The following CCDC150 variants were observed in gnomAD, a reference collection of about 807,000 sequenced individuals.
CCDC150 encodes the protein coiled-coil domain-containing protein 150.
CCDC150 carries 151 observed loss-of-function variants against 156.5 expected under a neutral mutation model. The ratio of observed to expected loss-of-function variants is 0.97; its 90% CI spans 0.85 to 1.10. The LOEUF (loss-of-function observed/expected upper bound fraction) is 1.10, where lower values mean the gene tolerates loss of function less well. Ranked by LOEUF, CCDC150 falls within the 50% of genes least tolerant of loss-of-function variation. CCDC150 has a pLI of 0.00. For missense variants in CCDC150, 1,312 were observed against 1,268.1 expected, an observed-to-expected ratio of 1.03 and a Z score of -0.53; for synonymous variants, 452 against 429.4, an observed-to-expected ratio of 1.05 and a Z score of -0.65.
At chr2:196,685,769 G>A (rs1575833526) in intron 13 of CCDC150, among the ~76,000 whole-genome samples, 1 of 151,734 alleles carries the variant, frequency 6.6e-6, no homozygotes. Flanking sequence ...CTACCACCAC[G>A]CCTGGCTAAT....
intron 12 of CCDC150, 111 bp from the exon 13 acceptor site, chr2:196,677,182 A>G (rs1450509504): frequency 6.6e-6 from 5 of 758,488 alleles, no homozygotes; most frequent in Non-Finnish European, 1.2e-5. Context: ...AGGATGTGCT[A>G]TCTCTGCAGT....
At chr2:196,712,074 A>G (rs937353724) in intron 15 of CCDC150, 71 bp from the exon 16 acceptor site, 88 of 563,464 alleles carry the variant, frequency 1.6e-4, no homozygotes, top group Admixed American at 8.3e-4. Context: ...GAGTATATAA[A>G]TATGTGTAAA....
At chr2:196,707,068 A>G (rs1696703443) in intron 15 of CCDC150, among the ~76,000 whole-genome samples, 1 of 152,128 alleles carries the variant, frequency 6.6e-6, no homozygotes, top group South Asian at 2.1e-4. Flanking sequence ...ATTGATTGGG[A>G]TAGTTTCAGA....
intron 1 of CCDC150, among the ~76,000 whole-genome samples, chr2:196,645,010 G>A (rs1692451586): frequency 6.6e-6 from 1 of 151,838 alleles, no homozygotes; most frequent in African/African-American, 2.4e-5. Context: ...TGTAATCTCA[G>A]CTACCCGAGA....
intron 2 of CCDC150, among the ~76,000 whole-genome samples, chr2:196,646,793 TA>T (rs1166059921): frequency 6.8e-6 from 1 of 146,112 alleles, no homozygotes; most frequent in Non-Finnish European, 1.5e-5. Context: ...TTTCATGTAA[TA>T]AAAAAAGATT....
At chr2:196,662,481 C>G (rs1013927347) in intron 5 of CCDC150, among the ~76,000 whole-genome samples, 1 of 152,120 alleles carries the variant, frequency 6.6e-6, no homozygotes, top group Non-Finnish European at 1.5e-5. Flanking sequence ...CAACCTAGAT[C>G]CCTTGCATGC....
chr2:196,666,734 CA>C lies in CCDC150; in HGVS notation c.782del (p.Asn261ThrfsTer37). The C allele has an allele frequency of 1.3e-6, 2 of 1,598,206 alleles. No homozygotes were observed. The highest frequency in any genetic ancestry group is 1.7e-6 in the Non-Finnish European group (2 of 1,174,846). On this transcript the variant is annotated frameshift_variant, in exon 7 of 28. Coordinates refer to ENST00000389175, the MANE Select transcript of CCDC150 (RefSeq NM_001080539.2). LOFTEE classifies it high-confidence loss of function. Reference protein sequence around the residue: ...VERKQVHILQQNCIALRDSIQ... With the variant: ...VERKQVHILQXNCIALRDSIQ... ...ACAATTTCAGGTGCACATTTTGCAG[CA>C]AAACTGCATTGCTCTACGTGATTCT...
intron 15 of CCDC150, among the ~76,000 whole-genome samples, chr2:196,707,599 G>T (rs1696753503): frequency 6.6e-6 from 1 of 152,148 alleles, no homozygotes; most frequent in Non-Finnish European, 1.5e-5. Context: ...TAATTGTGAT[G>T]TTAGGGTGTT....
In CCDC150 at chr2:196,710,046, C is replaced by T. The variant is rs1005216633; in HGVS notation, c.1696-2099C>T. Among the ~76,000 whole-genome samples, 5 of 152,254 alleles carry T rather than the reference C, an allele frequency of 3.3e-5. No individual in the cohort carries two copies. The East Asian group carries it at 9.6e-4, about 29-fold the overall frequency. Reference sequence around the variant, plus strand: ...GCGAGAACCACTGCTCTCTTCAGAGCTGTCAGACAGGGACGTTTAAGTCTG... The same window carrying T: ...GCGAGAACCACTGCTCTCTTCAGAGTTGTCAGACAGGGACGTTTAAGTCTG... On this transcript the variant is annotated intron_variant, in intron 15 of 27. Transcript: ENST00000389175.
chr2:196,716,444 G>A (rs1009512954), intron 17 of CCDC150, among the ~76,000 whole-genome samples: 37 of 152,216 alleles, frequency 2.4e-4, no homozygotes, highest in African/African-American at 8.4e-4. Context: ...GATACATGCA[G>A]CAGATTGAAT....
chr2:196,722,527 T>C (rs1697984636), intron 21 of CCDC150, among the ~76,000 whole-genome samples: 1 of 152,068 alleles, frequency 6.6e-6, no homozygotes, highest in African/African-American at 2.4e-5. Flanking sequence ...TCCACCTGCC[T>C]GGCCTCCCAA....
At chr2:196,653,344 TA>T (rs1488674983) in intron 2 of CCDC150, among the ~76,000 whole-genome samples, 2 of 152,244 alleles carry the variant, frequency 1.3e-5, no homozygotes, top group Admixed American at 1.3e-4. Context: ...TGTAGACTGT[TA>T]AGAGCAGCTA....
intron 5 of CCDC150, among the ~76,000 whole-genome samples, chr2:196,663,944 A>G (rs1393828971): frequency 6.6e-6 from 1 of 152,124 alleles, no homozygotes; most frequent in Non-Finnish European, 1.5e-5. Context: ...CTCTTTACCT[A>G]ATAATAAAAG....
At chr2:196,664,357 G>GT (rs1693721555) in intron 5 of CCDC150, among the ~76,000 whole-genome samples, 1 of 152,232 alleles carries the variant, frequency 6.6e-6, no homozygotes, top group Non-Finnish European at 1.5e-5. Context: ...ATGCCCCTCT[G>GT]CAAGTTGAAA....
chr2:196,724,596 G>C (rs933463659), intron 21 of CCDC150, among the ~76,000 whole-genome samples: 2 of 152,082 alleles, frequency 1.3e-5, no homozygotes, highest in African/African-American at 4.8e-5. Flanking sequence ...ACAAGCAGGG[G>C]AAGGTGGTGT....
intron 13 of CCDC150, among the ~76,000 whole-genome samples, chr2:196,693,017 A>T (rs774921522): frequency 1.7e-4 from 26 of 152,184 alleles, no homozygotes; most frequent in Non-Finnish European, 3.1e-4. Context: ...ATGCATATAT[A>T]TTTAAGATAT....
intron 15 of CCDC150, among the ~76,000 whole-genome samples, chr2:196,704,028 G>A (rs2125672468): frequency 6.6e-6 from 1 of 152,312 alleles, no homozygotes; most frequent in South Asian, 2.1e-4. Context: ...AGTGCTCTTG[G>A]AGCACATAAC....
chr2:196,651,127 AGGTGAT>A (rs1692849036), intron 2 of CCDC150, among the ~76,000 whole-genome samples: 1 of 152,180 alleles, frequency 6.6e-6, no homozygotes, highest in African/African-American at 2.4e-5. Context: ...GGCTATTTTA[AGGTGAT>A]AACAATTTAA....
At chr2:196,668,571 A>G (rs890594111) in intron 7 of CCDC150, among the ~76,000 whole-genome samples, 3 of 152,170 alleles carry the variant, frequency 2.0e-5, no homozygotes, top group African/African-American at 7.2e-5. Context: ...CTAGGTGCAT[A>G]ATATTGAATT....
Sources: allele counts gnomAD v4.1 joint callset (sites outside exome capture counted in the v4.1 genomes callset), GRCh38; gene constraint gnomAD v4.1.1; transcripts MANE v1.5; gene names NCBI Gene and HGNC (gene_info 2026-07-23, HGNC 2026-07-21).